Variants in TEX11 observed in about 807,000 individuals in gnomAD.
TEX11 encodes testis-expressed protein 11.
TEX11 carries 7 observed loss-of-function variants against 84.4 expected under a neutral mutation model. That is an observed-to-expected ratio of 0.08 (90% CI 0.05 to 0.16). The LOEUF is 0.16. Ranked by LOEUF, TEX11 falls within the 10% of genes least tolerant of loss-of-function variation. The pLI is 1.00. For synonymous variants in TEX11, 264 were observed against 222.8 expected (o/e 1.18, Z -1.64); for missense variants, 551 against 660.5 (o/e 0.83, Z 1.82).
At chrX:70,869,157 C>T (rs1421516606) in intron 4 of TEX11, among the ~76,000 whole-genome samples, 1 of 108,840 alleles carries the variant, frequency 9.2e-6, no homozygotes, top group East Asian at 2.8e-4. Context: ...TGTTTCCTTT[C>T]TTTATTCCAA....
chrX:70,530,295 T>C (rs1461464122), intron 28 of TEX11, among the ~76,000 whole-genome samples: 1 of 111,958 alleles, frequency 8.9e-6, no homozygotes, highest in Non-Finnish European at 1.9e-5. Context: ...TGCATACTGT[T>C]TGGGGCTTCC....
At chrX:70,515,869 C>T in the TEX11 span, among the ~76,000 whole-genome samples, 1 of 112,301 alleles carries the variant, frequency 8.9e-6, no homozygotes, top group African/African-American at 3.2e-5. Context: ...CTTTGATGAC[C>T]AGTGATGATG....
chrX:70,706,497 G>A (rs2090377790), intron 13 of TEX11, among the ~76,000 whole-genome samples: 1 of 111,221 alleles, frequency 9.0e-6, no homozygotes. Context: ...CAGCTGGCAA[G>A]TCAGTCAAAA....
chrX:70,843,522 C>A (rs1228787595), intron 7 of TEX11, among the ~76,000 whole-genome samples: 2 of 111,766 alleles, frequency 1.8e-5, no homozygotes, highest in Non-Finnish European at 3.8e-5. Context: ...AAAACCTAGG[C>A]AATACCATTC....
chrX:70,804,231 T>C (rs1226239702), intron 9 of TEX11, among the ~76,000 whole-genome samples: 1 of 111,945 alleles, frequency 8.9e-6, no homozygotes, highest in African/African-American at 3.2e-5. Context: ...TACTGAATAC[T>C]CTATAATACA....
chrX:70,676,510 C>G (rs1442020505), intron 15 of TEX11, among the ~76,000 whole-genome samples: 1 of 112,080 alleles, frequency 8.9e-6, no homozygotes, highest in Non-Finnish European at 1.9e-5. Context: ...TCACTTTTAT[C>G]TGGCTGCTTT....
At chrX:70,806,275 C>G (rs759915143) in intron 9 of TEX11, among the ~76,000 whole-genome samples, 1 of 110,845 alleles carries the variant, frequency 9.0e-6, no homozygotes, top group Non-Finnish European at 1.9e-5. Context: ...GGCAACATGG[C>G]GAAACCCCTT....
At chrX:70,694,007 T>TA (rs1303843062) in intron 13 of TEX11, among the ~76,000 whole-genome samples, 9 of 111,257 alleles carry the variant, frequency 8.1e-5, no homozygotes, top group Non-Finnish European at 5.7e-5. Context: ...AAATAAAAGT[T>TA]AAAAAAAACC....
rs2091463204 is a variant in TEX11 at position 70,843,972 on chromosome X, A to T, written c.525+9062T>A. 2.7e-5 allele frequency among the ~76,000 whole-genome samples: 3 copies of T among 111,205 alleles called. No individual in the cohort carries two copies. The South Asian group carries it at 1.2e-3, about 43-fold the overall frequency. ...AAAGTCAGGAAACAACAGGTGCTGG[A>T]GAGGATGTGGAGAAATAGGAATGCT... On this transcript the variant is annotated intron_variant, in intron 7 of 29. Coordinates refer to ENST00000374333, the MANE Select transcript of TEX11 (RefSeq NM_031276.3).
intron 7 of TEX11, among the ~76,000 whole-genome samples, chrX:70,838,670 C>A (rs958935617): frequency 2.7e-5 from 3 of 112,283 alleles, no homozygotes; most frequent in Non-Finnish European, 5.6e-5. Flanking sequence ...TGTGCGCAAG[C>A]CAAAGCAGGG....
chrX:70,552,434 C>G lies in TEX11; in HGVS notation c.2400-188G>C, dbSNP rs1443069051. The stretch of plus-strand genomic sequence containing the variant: ...AAGCTGTAAAACAGGTTGACCAATC[C>G]TTTCTTTTTTCATGCCTATGGTTGT... On this transcript the variant is annotated intron_variant, in intron 27 of 29. Transcript: ENST00000374333. Among the ~76,000 whole-genome samples the G allele has an allele frequency of 3.6e-5, 4 of 112,084 alleles. No individual in the cohort carries two copies. In the East Asian group the frequency reaches 1.1e-3, roughly 31 times the overall value.
At chrX:70,630,098 G>A (rs1186820814) in intron 17 of TEX11, among the ~76,000 whole-genome samples, 1 of 111,334 alleles carries the variant, frequency 9.0e-6, no homozygotes, top group Non-Finnish European at 1.9e-5. Flanking sequence ...GGATCGCGAG[G>A]TCAGGAGATC....
At chrX:70,516,853 A>C in the TEX11 span, among the ~76,000 whole-genome samples, 1 of 110,780 alleles carries the variant, frequency 9.0e-6, no homozygotes, top group Non-Finnish European at 1.9e-5. Context: ...TGTAAGTTGG[A>C]TTCCTAGGTA....
At chrX:70,643,867 A>G (rs1431813808) in intron 17 of TEX11, among the ~76,000 whole-genome samples, 2 of 109,911 alleles carry the variant, frequency 1.8e-5, no homozygotes, top group Admixed American at 2.0e-4. Flanking sequence ...ATGGGCAAGG[A>G]CTTCATGTCT....
rs192540311 is a variant in TEX11, at chrX:70,705,944, C to A, written c.1004+16674G>T. On this transcript the variant is annotated intron_variant, in intron 13 of 29. Coordinates refer to ENST00000374333, the MANE Select transcript of TEX11 (RefSeq NM_031276.3). ...AACTAGAAATACCATTTGACCCAGC[C>A]ATCCCATTACCGGGTATATACCCAA... 5.0e-3 allele frequency among the ~76,000 whole-genome samples: 562 copies of A among 111,469 alleles called. 4 individuals are homozygous for A. The highest frequency in any genetic ancestry group is 0.017 in the African/African-American group (536 of 30,718).
intron 17 of TEX11, among the ~76,000 whole-genome samples, chrX:70,644,814 C>A: frequency 1.0e-5 from 1 of 97,039 alleles, no homozygotes; most frequent in African/African-American, 3.8e-5. Context: ...GGAGATATAC[C>A]TAATGCTAGA....
intron 13 of TEX11, among the ~76,000 whole-genome samples, chrX:70,719,098 T>A (rs1373781878): frequency 8.9e-6 from 1 of 111,892 alleles, no homozygotes; most frequent in East Asian, 2.8e-4. Flanking sequence ...AACTACTGTA[T>A]TGTGCATCCA....
intron 25 of TEX11, among the ~76,000 whole-genome samples, chrX:70,589,120 C>A (rs1481531417): frequency 9.1e-6 from 1 of 110,214 alleles, no homozygotes; most frequent in South Asian, 3.9e-4. Context: ...CAACTGTACA[C>A]TTAAAAATGG....
chrX:70,887,487 T>C (rs2091715872), intron 2 of TEX11, among the ~76,000 whole-genome samples: 1 of 111,730 alleles, frequency 9.0e-6, no homozygotes, highest in Non-Finnish European at 1.9e-5. Flanking sequence ...CTCCTTTGCC[T>C]GGGGAAAAAG....
Sources: allele counts gnomAD v4.1 joint callset (sites outside exome capture counted in the v4.1 genomes callset), GRCh38; gene constraint gnomAD v4.1.1; transcripts MANE v1.5; gene names NCBI Gene and HGNC (gene_info 2026-07-23, HGNC 2026-07-21).